The following PLN variants were observed in gnomAD, a reference collection of about 807,000 sequenced individuals.
PLN encodes cardiac phospholamban.
In PLN, 1 loss-of-function variant was observed where a neutral mutation model predicts 3.9. The observed-to-expected ratio is 0.26, with a 90% confidence interval of 0.09 to 1.23. The LOEUF is 1.23. Ranked by LOEUF, PLN falls within the 50% of genes most tolerant of loss-of-function variation. The pLI, the probability that PLN is intolerant of heterozygous loss-of-function variation, is 0.48. For missense variants in PLN, 59 were observed against 62.7 expected (o/e 0.94, Z 0.20); for synonymous variants, 21 against 20.5 (o/e 1.02, Z -0.07).
intron 1 of PLN, among the ~76,000 whole-genome samples, chr6:118,557,769 C>T (rs1778963572): frequency 6.6e-6 from 1 of 152,190 alleles, no homozygotes; most frequent in Non-Finnish European, 1.5e-5. Context: ...GGTGATCATA[C>T]AAATGCATGA....
rs186663539 is a variant in PLN at position 118,559,410 on chromosome 6, C to G, written c.*330C>G. 80 of 348,282 alleles carry G rather than the reference C, an allele frequency of 2.3e-4. No individual in the cohort carries two copies. The highest frequency in any genetic ancestry group is 3.4e-4 in the Non-Finnish European group (59 of 174,550). The allele number at this position is 348,282 out of a possible 1,614,324, so 21.6% of individuals were successfully genotyped here. On this transcript the variant is annotated 3_prime_UTR_variant, in exon 2 of 2. Transcript: ENST00000357525. ...TTTAGTTTTAAAACTGCACTGCCAA[C>G]AAGTTCACTTCATATATAAAGCATT...
chr6:118,555,425 C>A (rs374155585), intron 1 of PLN, among the ~76,000 whole-genome samples: 251 of 116,274 alleles, frequency 2.2e-3, no homozygotes, highest in Middle Eastern at 4.7e-3. Context: ...AAGACTGTCT[C>A]AAAAAAAAAA....
chr6:118,549,968 T>C (rs1393015404), intron 1 of PLN, among the ~76,000 whole-genome samples: 2 of 151,966 alleles, frequency 1.3e-5, no homozygotes, highest in Non-Finnish European at 2.9e-5. Flanking sequence ...GTGTCCCAAC[T>C]AGTTCATCTA....
chr6:118,561,201 G>T lies in PLN; in HGVS notation c.*2121G>T, dbSNP rs570484101. ...ACAAGCTGGAAATTCCTAAAAACAAGTAGAAAGCTTATAAACAACAGGTGA... is the reference window on the plus strand; with the variant it reads ...ACAAGCTGGAAATTCCTAAAAACAATTAGAAAGCTTATAAACAACAGGTGA... On this transcript the variant is annotated 3_prime_UTR_variant, in exon 2 of 2. Coordinates refer to ENST00000357525, the MANE Select transcript of PLN (RefSeq NM_002667.5). 6.6e-6 allele frequency among the ~76,000 whole-genome samples: 1 copy of T among 152,232 alleles called. No individual in the cohort carries two copies. The highest frequency in any genetic ancestry group is 2.4e-5 in the African/African-American group (1 of 41,540).
rs1778622747 is a variant in PLN at position 118,552,700 on chromosome 6, GGAC to G, written c.-98+4312_-98+4314del. ...TCCAGCGTTACTTTTCTTGAGGAAA[GGAC>G]GACAACCAAAGGATTTATAAATCCC... On this transcript the variant is annotated intron_variant, in intron 1 of 1. Coordinates refer to ENST00000357525, the MANE Select transcript of PLN (RefSeq NM_002667.5). 2.6e-5 allele frequency among the ~76,000 whole-genome samples: 4 copies of G among 150,996 alleles called. No homozygotes were observed. In the South Asian group the frequency reaches 6.2e-4, roughly 24 times the overall value.
In PLN at chr6:118,559,560, A is replaced by G. The variant is rs1035910495; in HGVS notation, c.*480A>G. 1.6e-5 allele frequency: 3 copies of G among 188,024 alleles called. No homozygotes were observed. The highest frequency in any genetic ancestry group is 5.5e-5 in the Admixed American group (1 of 18,160). The allele number at this position is 188,024 out of a possible 1,614,324, so 11.6% of individuals were successfully genotyped here. A position where few individuals can be genotyped will look rare whatever the true frequency, so the allele number is the denominator to read the frequency against. On this transcript the variant is annotated 3_prime_UTR_variant, in exon 2 of 2. Transcript: ENST00000357525. ...CACAAATGAAGTGTCATTATTCAAA[A>G]TAGTCCACTGACTCCTCACATCTGT...
intron 1 of PLN, among the ~76,000 whole-genome samples, chr6:118,555,754 G>A (rs1371951665): frequency 1.3e-5 from 2 of 151,958 alleles, no homozygotes; most frequent in Non-Finnish European, 1.5e-5. Flanking sequence ...TCATCATCCC[G>A]TTATTAAGCC....
chr6:118,558,391 CTT>C (rs1779001724), intron 1 of PLN, among the ~76,000 whole-genome samples: 1 of 151,996 alleles, frequency 6.6e-6, no homozygotes, highest in Non-Finnish European at 1.5e-5. Context: ...GAACTTAACT[CTT>C]GTTTACATCA....
chr6:118,553,482 A>T (rs890956153), intron 1 of PLN, among the ~76,000 whole-genome samples: 8 of 152,212 alleles, frequency 5.3e-5, no homozygotes, highest in African/African-American at 1.9e-4. Context: ...TTCAGATGAT[A>T]ACTGTAAAAA....
At chr6:118,555,834 T>C (rs1348602519) in intron 1 of PLN, among the ~76,000 whole-genome samples, 1 of 150,204 alleles carries the variant, frequency 6.7e-6, no homozygotes, top group African/African-American at 2.5e-5. Flanking sequence ...CCAGCGTCTG[T>C]TGTTTCCTTC....
intron 1 of PLN, among the ~76,000 whole-genome samples, chr6:118,551,769 C>G (rs1025780828): frequency 6.6e-6 from 1 of 151,964 alleles, no homozygotes; most frequent in African/African-American, 2.4e-5. Context: ...TTCTTTCAAA[C>G]AGCCAGTCTG....
intron 1 of PLN, among the ~76,000 whole-genome samples, chr6:118,555,376 C>T (rs2356497): frequency 0.37 from 53,941 of 146,804 alleles, 10,541 homozygotes; most frequent in Middle Eastern, 0.46. Context: ...TGCAGTGAGC[C>T]GAGATCGTGC....
chr6:118,552,302 G>A (rs544247065), intron 1 of PLN, among the ~76,000 whole-genome samples: 90 of 152,114 alleles, frequency 5.9e-4, no homozygotes, highest in Non-Finnish European at 9.0e-4. Flanking sequence ...AAATACTGAA[G>A]TTTGAGAAGT....
chr6:118,558,778 T>C (rs1340270663), intron 1 of PLN, 47 bp from the exon 2 acceptor site: 1 of 696,600 alleles, frequency 1.4e-6, no homozygotes, highest in Non-Finnish European at 2.6e-6. Context: ...GTTCTGAGGA[T>C]AGGTTACATA....
intron 1 of PLN, among the ~76,000 whole-genome samples, chr6:118,550,311 T>G (rs1393782038): frequency 2.0e-5 from 3 of 151,754 alleles, no homozygotes; most frequent in Admixed American, 6.6e-5. Flanking sequence ...TACAATAGTT[T>G]CAGAAAATTT....
chr6:118,555,753 C>T (rs960018112), intron 1 of PLN, among the ~76,000 whole-genome samples: 5 of 151,992 alleles, frequency 3.3e-5, no homozygotes, highest in African/African-American at 1.2e-4. Context: ...TTCATCATCC[C>T]GTTATTAAGC....
intron 1 of PLN, among the ~76,000 whole-genome samples, chr6:118,552,381 G>C (rs1161686120): frequency 6.6e-6 from 1 of 152,034 alleles, no homozygotes; most frequent in African/African-American, 2.4e-5. Flanking sequence ...CATCATTAAA[G>C]TATCAATTGT....
chr6:118,550,325 T>A (rs1244031935), intron 1 of PLN, among the ~76,000 whole-genome samples: 1 of 151,736 alleles, frequency 6.6e-6, no homozygotes, highest in East Asian at 1.9e-4. Context: ...AAAATTTTAA[T>A]GTATTTTAAT....
At chr6:118,553,106 C>T (rs1225214544) in intron 1 of PLN, among the ~76,000 whole-genome samples, 1 of 151,372 alleles carries the variant, frequency 6.6e-6, no homozygotes, top group African/African-American at 2.4e-5. Context: ...TATGATTAGA[C>T]TAACAGAATG....
Sources: gnomAD v4.1 joint callset for allele counts (sites outside exome capture counted in the v4.1 genomes callset) on GRCh38, gnomAD v4.1.1 for gene constraint, MANE v1.5 for transcripts, NCBI Gene and HGNC (gene_info 2026-07-23, HGNC 2026-07-21) for gene names.